Variants in NOMO2 observed in about 807,000 individuals in gnomAD.
NOMO2 encodes the protein NODAL modulator 2.
In NOMO2, 14 loss-of-function variants were observed where a neutral mutation model predicts 67.1. The observed-to-expected ratio is 0.21, with a 90% CI of 0.14 to 0.33. The LOEUF (loss-of-function observed/expected upper bound fraction) is 0.33, where lower values mean the gene tolerates loss of function less well. Ranked by LOEUF, NOMO2 falls within the 10% of genes least tolerant of loss-of-function variation. NOMO2 has a pLI of 1.00. For synonymous variants in NOMO2, 80 were observed against 305.9 expected, an observed-to-expected ratio of 0.26 and a Z score of 7.71; for missense variants, 178 against 761.0, an observed-to-expected ratio of 0.23 and a Z score of 9.01.
In NOMO2 at chr16:18,531,752, C is replaced by A. The variant is rs1901308463; in HGVS notation, c.1396-145G>T. On this transcript the variant is annotated intron_variant, in intron 12 of 30. Transcript: ENST00000622306. ...CGTTTCCAGGCCAATTTTACAATCA[C>A]AACAAATCCACGAATAACTTGTGTG... 8 of 1,488,040 alleles carry A rather than the reference C, an allele frequency of 5.4e-6. No individual in the cohort carries two copies. The African/African-American group carries it at 5.5e-5, about 10-fold the overall frequency. The allele number at this position is 1,488,040 out of a possible 1,614,324, so 92.2% of individuals were successfully genotyped here.
At position 18,531,393 on chromosome 16, in the gene NOMO2, A is replaced by T; in HGVS notation, c.1537+73T>A. The T allele has an allele frequency of 1.9e-6, 3 of 1,612,332 alleles. No homozygotes were observed. In the South Asian group the frequency reaches 3.3e-5, roughly 18 times the overall value. On this transcript the variant is annotated intron_variant, in intron 13 of 30. Coordinates refer to ENST00000622306, the MANE Select transcript of NOMO2 (RefSeq NM_173614.4). ...AGCAAACAACAAAGGCAAAAGGAAAAGTTTCCCAAATCCCACTCCTACTGG... is the reference window on the plus strand; with the variant it reads ...AGCAAACAACAAAGGCAAAAGGAAATGTTTCCCAAATCCCACTCCTACTGG...
intron 4 of NOMO2, among the ~76,000 whole-genome samples, chr16:18,550,467 A>G (rs1241435212): frequency 1.3e-5 from 2 of 151,626 alleles, no homozygotes; most frequent in Admixed American, 1.3e-4. Flanking sequence ...ATCTCTAACA[A>G]GAAGCCCACA....
intron 6 of NOMO2, among the ~76,000 whole-genome samples, chr16:18,545,331 C>G: frequency 6.6e-6 from 1 of 151,098 alleles, no homozygotes; most frequent in Non-Finnish European, 1.5e-5. Flanking sequence ...CTCCTGACCT[C>G]AAGTGATCCA....
intron 12 of NOMO2, among the ~76,000 whole-genome samples, chr16:18,531,829 G>A (rs1901310128): frequency 6.6e-6 from 1 of 152,084 alleles, no homozygotes; most frequent in African/African-American, 2.4e-5. Context: ...AGACCGATGT[G>A]TATGAACAAA....
intron 6 of NOMO2, among the ~76,000 whole-genome samples, chr16:18,545,199 G>A (rs964581302): frequency 2.0e-5 from 3 of 148,496 alleles, no homozygotes; most frequent in South Asian, 4.3e-4. Context: ...AGGTTCAAGC[G>A]ATTCTCCTGC....
At chr16:18,539,856 C>T (rs1383849999) in intron 9 of NOMO2, among the ~76,000 whole-genome samples, 6 of 152,148 alleles carry the variant, frequency 3.9e-5, no homozygotes, top group South Asian at 2.1e-4. Context: ...CTGTGCCCCA[C>T]TTGCCTGTGA....
At chr16:18,526,232 T>C (rs1901143496) in intron 16 of NOMO2, among the ~76,000 whole-genome samples, 1 of 152,070 alleles carries the variant, frequency 6.6e-6, no homozygotes, top group Admixed American at 6.6e-5. Flanking sequence ...CAACTTCACA[T>C]CTACCAAGAT....
rs1279572606 is a variant in NOMO2 at position 18,538,581 on chromosome 16, C to T, written c.1165G>A (p.Val389Ile). 1 of 1,613,078 alleles carries T rather than the reference C, an allele frequency of 6.2e-7. No homozygotes were observed. Among genetic ancestry groups the T allele is most frequent in the African/African-American group, 1.3e-5 (1 of 74,768 alleles). ...GTGTTCGGTGCAATTTTGATGGTGA[C>T]CGTTTCAAAGTAGAGGTGCTCTTTC... ...AQKEHLYFET[V>I]TIKIAPNTPQ... is the part of the protein sequence containing the mutation. Residue 389 changes from valine to isoleucine, a missense_variant, in exon 11 of 31, where the codon GTC becomes ATC. Transcript: ENST00000622306.
chr16:18,550,358 ACT>A (rs1290883022), intron 4 of NOMO2, among the ~76,000 whole-genome samples: 1 of 146,150 alleles, frequency 6.8e-6, no homozygotes, highest in African/African-American at 2.5e-5. Flanking sequence ...ACAGAGCGAG[ACT>A]CTGTCTCAAA....
intron 1 of NOMO2, among the ~76,000 whole-genome samples, chr16:18,560,264 G>A (rs575453784): frequency 0.026 from 3,888 of 149,878 alleles, no homozygotes; most frequent in African/African-American, 0.036. Flanking sequence ...CACACCATCT[G>A]GACAGGCAGC....
At chr16:18,526,004 C>T (rs1039414064) in intron 16 of NOMO2, among the ~76,000 whole-genome samples, 14 of 151,954 alleles carry the variant, frequency 9.2e-5, no homozygotes, top group Admixed American at 3.3e-4. Context: ...TACCACTTGC[C>T]GATGGCACTG....
chr16:18,537,125 G>A (rs972316403), intron 11 of NOMO2, among the ~76,000 whole-genome samples: 1 of 151,970 alleles, frequency 6.6e-6, no homozygotes, highest in Non-Finnish European at 1.5e-5. Flanking sequence ...TGCCACCTGC[G>A]GCCAAATCTT....
At chr16:18,536,684 C>G (rs1315103996) in intron 11 of NOMO2, among the ~76,000 whole-genome samples, 1 of 152,124 alleles carries the variant, frequency 6.6e-6, no homozygotes, top group Non-Finnish European at 1.5e-5. Context: ...GTCTGTCTCC[C>G]TGGAAGGGTG....
At chr16:18,560,726 C>A (rs1276292406) in intron 1 of NOMO2, among the ~76,000 whole-genome samples, 1 of 151,712 alleles carries the variant, frequency 6.6e-6, no homozygotes. Context: ...CCTATAGGTA[C>A]AAAAACTGAA....
rs1555467933 is a variant in NOMO2 at position 18,561,188 on chromosome 16, A to AAC, written c.165+687_165+688insGT. On this transcript the variant is annotated intron_variant, in intron 1 of 30. Coordinates refer to ENST00000622306, the MANE Select transcript of NOMO2 (RefSeq NM_173614.4). ...ACAACTTAATTAAAAAAAAAAAAAA[A>AAC]AAAAAAAAAAAAAAAAAAACCTTTA... Among the ~76,000 whole-genome samples the AAC allele has an allele frequency of 2.9e-5, 4 of 136,922 alleles. No homozygotes were observed. The Admixed American group carries it at 3.0e-4, about 10-fold the overall frequency. 89.8% of individuals were successfully genotyped at this position (136,922 alleles called of 152,430 possible). A position where few individuals can be genotyped will look rare whatever the true frequency, so the allele number is the denominator to read the frequency against.
At chr16:18,552,657 C>G (rs1477316542) in intron 3 of NOMO2, among the ~76,000 whole-genome samples, 2 of 151,126 alleles carry the variant, frequency 1.3e-5, no homozygotes, top group Non-Finnish European at 3.0e-5. Flanking sequence ...ACACCCCCAC[C>G]AGAAGGGCTA....
At chr16:18,534,138 A>T (rs1267786729) in intron 11 of NOMO2, among the ~76,000 whole-genome samples, 1 of 152,028 alleles carries the variant, frequency 6.6e-6, no homozygotes, top group African/African-American at 2.4e-5. Flanking sequence ...GGAAAACACA[A>T]GGAAATGGTG....
In NOMO2 at chr16:18,533,578, C is replaced by T. The variant is rs572494686; in HGVS notation, c.1221-399G>A. The T allele has an allele frequency of 2.0e-3, 362 of 179,634 alleles. 3 individuals are homozygous for T. In the East Asian group the frequency reaches 0.048, roughly 24 times the overall value. The allele number at this position is 179,634 out of a possible 1,614,324, so 11.1% of individuals were successfully genotyped here. A position where few individuals can be genotyped will look rare whatever the true frequency, so the allele number is the denominator to read the frequency against. On this transcript the variant is annotated intron_variant, in intron 11 of 30. Coordinates refer to ENST00000622306, the MANE Select transcript of NOMO2 (RefSeq NM_173614.4). ...GTGGGCTAGCCCTTAAAAGCAAGAGCTCTAAGCTGCCTAAGAAACTGTGGC... is the reference window on the plus strand; with the variant it reads ...GTGGGCTAGCCCTTAAAAGCAAGAGTTCTAAGCTGCCTAAGAAACTGTGGC...
intron 12 of NOMO2, 30 bp from the exon 13 acceptor site, chr16:18,531,637 C>A (rs772601238): frequency 2.5e-6 from 4 of 1,611,822 alleles, no homozygotes; most frequent in Non-Finnish European, 3.4e-6. Context: ...ACGTTAGAGG[C>A]TGCATTCGGG....
Sources: allele counts gnomAD v4.1 joint callset (sites outside exome capture counted in the v4.1 genomes callset), GRCh38; gene constraint gnomAD v4.1.1; transcripts MANE v1.5; gene names NCBI Gene and HGNC (gene_info 2026-07-23, HGNC 2026-07-21).